ZNF570: variants seen among roughly 807,000 people sequenced by gnomAD.
ZNF570 encodes zinc finger protein 570.
In ZNF570, 8 loss-of-function variants were observed where a neutral mutation model predicts 14.2. The ratio of observed to expected loss-of-function variants is 0.56; its 90% CI spans 0.33 to 1.02. The LOEUF is 1.02. ZNF570 is among the 50% of genes least tolerant of loss of function. The pLI is 0.03. For missense variants in ZNF570, 559 were observed against 624.9 expected (o/e 0.89, Z 1.12); for synonymous variants, 202 against 207.6 (o/e 0.97, Z 0.23).
Position 37,484,916 on chromosome 19 carries a change from C to T in ZNF570, c.1294C>T (p.His432Tyr), listed in dbSNP as rs2042135595. 1 of 1,614,092 alleles carries T rather than the reference C, an allele frequency of 6.2e-7. No individual in the cohort carries two copies. Among genetic ancestry groups the T allele is most frequent in the Non-Finnish European group, 8.5e-7 (1 of 1,180,024 alleles). The change falls in exon 5 of 5, where the codon CAT becomes TAT. Residue 432 changes from histidine (H) to tyrosine (Y), a missense_variant. Physicochemically the swap from His to Tyr is moderately conservative, Grantham distance 83. Coordinates refer to ENST00000330173, the MANE Select transcript of ZNF570 (RefSeq NM_144694.5). ...AFSQIAYLAQ[H>Y]QRVHTGEKPY... ...CAGCCAGATTGCCTACCTTGCTCAG[C>T]ATCAAAGAGTTCATACTGGAGAGAA...
At position 37,487,278 on chromosome 19, in the gene ZNF570, A is replaced by G. The variant is rs998551914; in HGVS notation, c.*2045A>G. The G allele has an allele frequency of 6.6e-6, 1 of 151,714 alleles. No individual in the cohort carries two copies. The highest frequency in any genetic ancestry group is 1.5e-5 in the Non-Finnish European group (1 of 67,932). The allele number at this position is 151,714 out of a possible 1,614,324, so 9.4% of individuals were successfully genotyped here. ...GTTAAATTCGGGTAATTTAGAAGGCATGTAAAGTGTTCCATACTATAGAAA... is the reference window on the plus strand; with the variant it reads ...GTTAAATTCGGGTAATTTAGAAGGCGTGTAAAGTGTTCCATACTATAGAAA... On this transcript the variant is annotated 3_prime_UTR_variant, in exon 5 of 5. Coordinates refer to ENST00000330173, the MANE Select transcript of ZNF570 (RefSeq NM_144694.5).
chr19:37,479,919 T>G (rs2042067456), intron 4 of ZNF570, among the ~76,000 whole-genome samples: 1 of 152,240 alleles, frequency 6.6e-6, no homozygotes, highest in African/African-American at 2.4e-5. Context: ...AAATCCAGTC[T>G]GATAACCTTT....
At chr19:37,482,590 A>T (rs555935805) in intron 4 of ZNF570, among the ~76,000 whole-genome samples, 1 of 152,284 alleles carries the variant, frequency 6.6e-6, no homozygotes, top group South Asian at 2.1e-4. Context: ...AACATTGGGG[A>T]TTACATTTCA....
intron 2 of ZNF570, 35 bp downstream of exon 2, chr19:37,470,422 G>A: frequency 2.5e-6 from 4 of 1,598,808 alleles, no homozygotes; most frequent in Non-Finnish European, 3.4e-6. Flanking sequence ...CTGAATACCT[G>A]TCTGCTTTTC....
At chr19:37,480,655 A>G (rs553842213) in intron 4 of ZNF570, among the ~76,000 whole-genome samples, 1 of 152,178 alleles carries the variant, frequency 6.6e-6, no homozygotes, top group African/African-American at 2.4e-5. Flanking sequence ...AGTGTTGTTT[A>G]GATTTATCCA....
At chr19:37,469,150 GCT>G, upstream of ZNF570, 13 of 1,131,080 alleles carry the variant, frequency 1.1e-5, no homozygotes, top group Non-Finnish European at 1.4e-5. Flanking sequence ...GGACTTTCGG[GCT>G]CTCTGGAAGG....
At chr19:37,478,241 T>C (rs1169689165) in intron 4 of ZNF570, among the ~76,000 whole-genome samples, 1 of 152,158 alleles carries the variant, frequency 6.6e-6, no homozygotes, top group East Asian at 1.9e-4. Flanking sequence ...TTAGGTTTTT[T>C]CACTTTTTTC....
At chr19:37,468,814 C>T (rs888598328), upstream of ZNF570, among the ~76,000 whole-genome samples, 1 of 152,176 alleles carries the variant, frequency 6.6e-6, no homozygotes, top group Non-Finnish European at 1.5e-5. Context: ...CTGAGGGTAG[C>T]GGGTGGGAGA....
In ZNF570 at chr19:37,487,853, A is replaced by G. The variant is rs1035195707; in HGVS notation, c.*2620A>G. On this transcript the variant is annotated 3_prime_UTR_variant, in exon 5 of 5. Coordinates refer to ENST00000330173, the MANE Select transcript of ZNF570 (RefSeq NM_144694.5). The stretch of plus-strand genomic sequence containing the variant: ...ATGATGGTTCATACCAGTAGAGAGA[A>G]AGATTGGATTTGGGGGTATTACTAG... 2.0e-5 allele frequency: 3 copies of G among 152,188 alleles called. No individual in the cohort carries two copies. The highest frequency in any genetic ancestry group is 4.4e-5 in the Non-Finnish European group (3 of 68,036). 9.4% of individuals were successfully genotyped at this position (152,188 alleles called of 1,614,324 possible).
chr19:37,480,439 G>A (rs1350689420), intron 4 of ZNF570, among the ~76,000 whole-genome samples: 1 of 152,032 alleles, frequency 6.6e-6, no homozygotes, highest in African/African-American at 2.4e-5. Flanking sequence ...AACCAAGATC[G>A]TGCCACTGCA....
At chr19:37,473,258 C>T (rs1425239890) in intron 2 of ZNF570, among the ~76,000 whole-genome samples, 1 of 152,060 alleles carries the variant, frequency 6.6e-6, no homozygotes, top group Non-Finnish European at 1.5e-5. Context: ...AGTGAGACTG[C>T]TTAGCATGGT....
chr19:37,481,263 C>T (rs1241776514), intron 4 of ZNF570, among the ~76,000 whole-genome samples: 1 of 151,970 alleles, frequency 6.6e-6, no homozygotes, highest in African/African-American at 2.4e-5. Flanking sequence ...AAGCAATTCT[C>T]CTGCCTCAGC....
At chr19:37,472,652 G>T (rs1019189228) in intron 2 of ZNF570, among the ~76,000 whole-genome samples, 1 of 150,004 alleles carries the variant, frequency 6.7e-6, no homozygotes, top group Non-Finnish European at 1.5e-5. Context: ...TGAGGCAGGA[G>T]AATCGCTTGA....
chr19:37,467,847 T>G (rs562763187), upstream of ZNF570: 1 of 1,534,888 alleles, frequency 6.5e-7, no homozygotes, highest in South Asian at 1.2e-5. Flanking sequence ...CGTTTTATAT[T>G]CTCGTGGCTG....
At position 37,485,304 on chromosome 19, in the gene ZNF570, C is replaced by G; in HGVS notation, c.*71C>G. The G allele has an allele frequency of 7.2e-7, 1 of 1,386,962 alleles. No individual in the cohort carries two copies. The highest frequency in any genetic ancestry group is 9.6e-7 in the Non-Finnish European group (1 of 1,044,382). The allele number at this position is 1,386,962 out of a possible 1,614,324, so 85.9% of individuals were successfully genotyped here. Reference sequence around the variant, plus strand: ...TTAATGTTGTCACCTTGGTCTGATTCATCTCACTCTGATTACTAATATAGC... The same window carrying G: ...TTAATGTTGTCACCTTGGTCTGATTGATCTCACTCTGATTACTAATATAGC... On this transcript the variant is annotated 3_prime_UTR_variant, in exon 5 of 5. Coordinates refer to ENST00000330173, the MANE Select transcript of ZNF570 (RefSeq NM_144694.5).
upstream of ZNF570, chr19:37,469,345 G>A: frequency 2.8e-6 from 4 of 1,417,216 alleles, no homozygotes; most frequent in Non-Finnish European, 2.8e-6. Flanking sequence ...GGGGGCGGAG[G>A]CAGCTGAGGC....
rs2042175227 is a variant in ZNF570 at position 37,488,109 on chromosome 19, C to T, written c.*2876C>T. 1 of 152,122 alleles carries T rather than the reference C, an allele frequency of 6.6e-6. No individual in the cohort carries two copies. The highest frequency in any genetic ancestry group is 1.5e-5 in the Non-Finnish European group (1 of 68,028). The allele number at this position is 152,122 out of a possible 1,614,324, so 9.4% of individuals were successfully genotyped here. A position where few individuals can be genotyped will look rare whatever the true frequency, so the allele number is the denominator to read the frequency against. ...TGACCCAGCAATTCCATGTTTAAAC[C>T]TCTACATAGTCTCTCCTCGTGTTTC... On this transcript the variant is annotated 3_prime_UTR_variant, in exon 5 of 5. Coordinates refer to ENST00000330173, the MANE Select transcript of ZNF570 (RefSeq NM_144694.5).
At chr19:37,468,226 C>T (rs892047721), upstream of ZNF570, among the ~76,000 whole-genome samples, 1 of 151,820 alleles carries the variant, frequency 6.6e-6, no homozygotes, top group Non-Finnish European at 1.5e-5. Flanking sequence ...ACTGGGACCA[C>T]AATCAAGGGA....
chr19:37,476,122 C>A, intron 3 of ZNF570, 115 bp downstream of exon 3: 1 of 1,438,000 alleles, frequency 7.0e-7, no homozygotes, highest in Non-Finnish European at 9.3e-7. Context: ...GCTGCCTATG[C>A]CAAACAAATG....
Sources: gnomAD v4.1 joint callset for allele counts (sites outside exome capture counted in the v4.1 genomes callset) on GRCh38, gnomAD v4.1.1 for gene constraint, MANE v1.5 for transcripts, NCBI Gene and HGNC (gene_info 2026-07-23, HGNC 2026-07-21) for gene names.